Variants in KCNK2 observed in about 807,000 individuals in gnomAD.
KCNK2 encodes potassium channel subfamily K member 2.
KCNK2 carries 21 observed loss-of-function variants against 40.5 expected under a neutral mutation model. That is an observed-to-expected ratio of 0.52 (90% CI 0.37 to 0.75). The LOEUF is 0.75. KCNK2 is among the 30% of genes least tolerant of loss of function. The pLI, the probability that KCNK2 is intolerant of heterozygous loss-of-function variation, is 0.00. For synonymous variants in KCNK2, 191 were observed against 202.2 expected (o/e 0.94, Z 0.47); for missense variants, 399 against 531.6 (o/e 0.75, Z 2.45).
chr1:215,171,986 C>T lies in KCNK2; in HGVS notation c.637-11C>T, dbSNP rs762280567. 5 of 1,598,068 alleles carry T rather than the reference C, an allele frequency of 3.1e-6. No individual in the cohort carries two copies. Among genetic ancestry groups the T allele is most frequent in the Non-Finnish European group, 3.4e-6 (4 of 1,167,032 alleles). On this transcript the variant is annotated splice_polypyrimidine_tract_variant and intron_variant, in intron 4 of 6. Transcript: ENST00000444842. The stretch of plus-strand genomic sequence containing the variant: ...TATATATATACACACACCTTTCTGT[C>T]TCATCCCTAGAAGTGGAATGTTAGT...
At position 215,234,722 on chromosome 1, in the gene KCNK2, C is replaced by T. The variant is rs188230035; in HGVS notation, c.964-106C>T. 6.7e-4 allele frequency: 711 copies of T among 1,065,716 alleles called. 2 individuals carry two copies. Among genetic ancestry groups the T allele is most frequent in the Non-Finnish European group, 8.9e-4 (649 of 731,764 alleles). The allele number at this position is 1,065,716 out of a possible 1,614,324, so 66.0% of individuals were successfully genotyped here. A position where few individuals can be genotyped will look rare whatever the true frequency, so the allele number is the denominator to read the frequency against. On this transcript the variant is annotated intron_variant, in intron 6 of 6. Transcript: ENST00000444842. ...CCACCAGTGCTGTAAAAGACTACTC[C>T]ACTCTTCTTTTTAAAATCCCAAAAT... is the stretch of plus-strand genomic sequence containing the variant.
At chr1:215,028,518 CTCTT>C (rs1390256140) in intron 1 of KCNK2, among the ~76,000 whole-genome samples, 1 of 151,840 alleles carries the variant, frequency 6.6e-6, no homozygotes, top group East Asian at 1.9e-4. Context: ...TCTTAATTTC[CTCTT>C]TCTACTTTCT....
In KCNK2 at chr1:215,046,562, CTGT is replaced by C. The variant is rs76095388; in HGVS notation, c.35-39801_35-39799del. ...TACATATAGCACAGTTAGGAGAAGG[CTGT>C]TGTTAGAATAAACAGGTACAGGTTT... On this transcript the variant is annotated intron_variant, in intron 1 of 6. Transcript: ENST00000391895. 0.013 allele frequency among the ~76,000 whole-genome samples: 1,930 copies of C among 152,106 alleles called. 59 individuals are homozygous for C. In the East Asian group the frequency reaches 0.13, roughly 10 times the overall value.
intron 5 of KCNK2, among the ~76,000 whole-genome samples, chr1:215,179,700 T>G (rs567771133): frequency 6.6e-6 from 1 of 152,294 alleles, no homozygotes; most frequent in East Asian, 1.9e-4. Context: ...TGACTTCTAT[T>G]GTAATTCCAC....
At chr1:215,012,026 G>A (rs1274429472) in intron 1 of KCNK2, among the ~76,000 whole-genome samples, 1 of 152,026 alleles carries the variant, frequency 6.6e-6, no homozygotes, top group Non-Finnish European at 1.5e-5. Context: ...GTTGTACCAG[G>A]GTAACTCTGG....
At chr1:215,041,482 C>T (rs1217385687) in intron 1 of KCNK2, among the ~76,000 whole-genome samples, 1 of 152,100 alleles carries the variant, frequency 6.6e-6, no homozygotes, top group Non-Finnish European at 1.5e-5. Flanking sequence ...ATAGGAAAGG[C>T]CAACTTAACT....
At chr1:215,127,124 C>G (rs1321184179) in intron 3 of KCNK2, among the ~76,000 whole-genome samples, 1 of 152,092 alleles carries the variant, frequency 6.6e-6, no homozygotes, top group East Asian at 1.9e-4. Flanking sequence ...TTGCATAAGA[C>G]ATTTTAAAAT....
rs185182457 is a variant in KCNK2 at position 215,048,431 on chromosome 1, T to A, written c.35-37937T>A. Among the ~76,000 whole-genome samples, 13 of 152,316 alleles carry A rather than the reference T, an allele frequency of 8.5e-5. No individual in the cohort carries two copies. In the East Asian group the frequency reaches 2.5e-3, roughly 29 times the overall value. ...CTTAGTGATTAAAGGGAAAATTTCA[T>A]GCAAAATCTTCAGAGCCTTTGTGGT... On this transcript the variant is annotated intron_variant, in intron 1 of 6. Coordinates refer to the KCNK2 transcript ENST00000391895.
chr1:215,093,861 TA>T (rs1461836381), intron 2 of KCNK2, among the ~76,000 whole-genome samples: 524 of 34,038 alleles, frequency 0.015, 12 homozygotes, highest in African/African-American at 0.023. Context: ...ATATTATATA[TA>T]AAAATATATT....
chr1:215,209,271 T>C (rs1329456876), intron 6 of KCNK2, among the ~76,000 whole-genome samples: 12 of 115,280 alleles, frequency 1.0e-4, no homozygotes, highest in Admixed American at 9.7e-4. Flanking sequence ...ATAAAATATA[T>C]AAATATACAC....
intron 1 of KCNK2, among the ~76,000 whole-genome samples, chr1:215,039,354 T>C (rs563436312): frequency 6.6e-6 from 1 of 152,284 alleles, no homozygotes; most frequent in East Asian, 1.9e-4. Context: ...CAGCCACTTA[T>C]CAGAGAAGCC....
rs550835251 is a variant in KCNK2, at chr1:215,014,261, A to C, written c.34+8306A>C. ...GCCTTCCATTTCCAGGATTAACCCC[A>C]CTTAACTGTAAGACAGTTCTCTTGT... is the stretch of plus-strand genomic sequence containing the variant. On this transcript the variant is annotated intron_variant, in intron 1 of 6. Transcript: ENST00000391895. Among the ~76,000 whole-genome samples the C allele has an allele frequency of 6.6e-5, 10 of 152,104 alleles. No individual in the cohort carries two copies. The South Asian group carries it at 2.1e-3, about 32-fold the overall frequency.
At chr1:215,177,570 T>C (rs949405598) in intron 5 of KCNK2, among the ~76,000 whole-genome samples, 4 of 151,712 alleles carry the variant, frequency 2.6e-5, no homozygotes, top group African/African-American at 9.6e-5. Context: ...TCCTTCTTTA[T>C]ATGCTAGCTA....
chr1:215,145,401 GT>G (rs1478008885), intron 3 of KCNK2, among the ~76,000 whole-genome samples: 4 of 152,110 alleles, frequency 2.6e-5, no homozygotes, highest in African/African-American at 9.7e-5. Context: ...AGAGCCTGAA[GT>G]CTTAACTGCT....
At chr1:215,042,349 G>A (rs1452620) in intron 1 of KCNK2, among the ~76,000 whole-genome samples, 68,447 of 151,940 alleles carry the variant, frequency 0.45, 16,011 homozygotes, top group Non-Finnish European at 0.5. Flanking sequence ...TTGCCCAGAC[G>A]GGGTGTTGTC....
At position 215,124,687 on chromosome 1, in the gene KCNK2, C is replaced by A; in HGVS notation, c.412C>A (p.Gln138Lys). ...TATACCGTTAGGAAACACCTCCAAT[C>A]AAATCAGTCACTGGGATTTGGGAAG... ...GIIPLGNTSN[Q>K]ISHWDLGSSF... is the part of the protein sequence containing the mutation. The change falls in exon 3 of 7, where the codon CAA becomes AAA. Residue 138 changes from glutamine (Q) to lysine (K), a missense_variant. Gln to Lys is a moderately conservative substitution (Grantham distance 53, BLOSUM62 1). Coordinates refer to ENST00000444842, the MANE Select transcript of KCNK2 (RefSeq NM_001017425.3). 1 of 1,613,154 alleles carries A rather than the reference C, an allele frequency of 6.2e-7. No homozygotes were observed. Among genetic ancestry groups the A allele is most frequent in the South Asian group, 1.1e-5 (1 of 91,032 alleles).
chr1:215,083,218 C>CGG lies in KCNK2; in HGVS notation c.-168_-167insGG. 8.9e-7 allele frequency: 1 copy of CGG among 1,121,310 alleles called. No homozygotes were observed. Among genetic ancestry groups the CGG allele is most frequent in the Non-Finnish European group, 1.2e-6 (1 of 805,822 alleles). The allele number at this position is 1,121,310 out of a possible 1,614,324, so 69.5% of individuals were successfully genotyped here. On this transcript the variant is annotated 5_prime_UTR_variant, in exon 1 of 7. Coordinates refer to ENST00000444842, the MANE Select transcript of KCNK2 (RefSeq NM_001017425.3). ...CTCCCCCCCCCGCCCCCTCCCGCGT[C>CGG]CAGCCCCGCTCTCCCCACCTTGTAA...
At chr1:215,006,220 T>G (rs998000978) in intron 1 of KCNK2, among the ~76,000 whole-genome samples, 8 of 152,208 alleles carry the variant, frequency 5.3e-5, no homozygotes, top group Non-Finnish European at 1.0e-4. Context: ...ATGTGTTACT[T>G]CTGGCAATGT....
At chr1:215,060,327 C>T (rs1349502037) in intron 1 of KCNK2, among the ~76,000 whole-genome samples, 1 of 152,140 alleles carries the variant, frequency 6.6e-6, no homozygotes, top group Non-Finnish European at 1.5e-5. Context: ...GAGGCATCAG[C>T]TAATGCACAA....
Sources: allele counts gnomAD v4.1 joint callset (sites outside exome capture counted in the v4.1 genomes callset), GRCh38; gene constraint gnomAD v4.1.1; transcripts MANE v1.5; gene names NCBI Gene and HGNC (gene_info 2026-07-23, HGNC 2026-07-21).